Variants in FILIP1L observed in about 807,000 individuals in gnomAD.
The protein encoded by FILIP1L is filamin A-interacting protein 1-like.
FILIP1L carries 55 observed loss-of-function variants against 96.6 expected under a neutral mutation model. The observed-to-expected ratio is 0.57, with a 90% CI of 0.46 to 0.71. FILIP1L has a LOEUF of 0.71. FILIP1L is among the 30% of genes least tolerant of loss of function. The pLI is 0.00. For synonymous variants in FILIP1L, 467 were observed against 473.9 expected (o/e 0.99, Z 0.19); for missense variants, 1,304 against 1,321.2 (o/e 0.99, Z 0.20).
At chr3:99,846,893 A>C (rs1476027546) in intron 5 of FILIP1L, among the ~76,000 whole-genome samples, 1 of 152,244 alleles carries the variant, frequency 6.6e-6, no homozygotes, top group African/African-American at 2.4e-5. Flanking sequence ...AATGGCAATA[A>C]GCTACTTTGT....
At chr3:100,085,963 G>T (rs1348445033) in intron 1 of FILIP1L, among the ~76,000 whole-genome samples, 2 of 152,156 alleles carry the variant, frequency 1.3e-5, no homozygotes, top group Admixed American at 6.5e-5. Flanking sequence ...AATATAGAGG[G>T]TCATGAGTTT....
At chr3:100,071,509 T>A (rs1311134033) in intron 1 of FILIP1L, among the ~76,000 whole-genome samples, 2 of 152,104 alleles carry the variant, frequency 1.3e-5, no homozygotes, top group African/African-American at 4.8e-5. Flanking sequence ...AAAATTTACA[T>A]GGGAGAAGGG....
At chr3:99,889,719 C>G (rs1706024396) in intron 4 of FILIP1L, among the ~76,000 whole-genome samples, 1 of 151,684 alleles carries the variant, frequency 6.6e-6, no homozygotes, top group Non-Finnish European at 1.5e-5. Flanking sequence ...TATTCCTATT[C>G]TATTAGGGAT....
chr3:99,867,507 C>T (rs1944580790), intron 4 of FILIP1L, among the ~76,000 whole-genome samples: 1 of 152,088 alleles, frequency 6.6e-6, no homozygotes. Flanking sequence ...AAGCAGAACC[C>T]CAGGTATTAA....
intron 1 of FILIP1L, among the ~76,000 whole-genome samples, chr3:100,066,926 T>A (rs139135350): frequency 2.7e-4 from 41 of 152,324 alleles, no homozygotes; most frequent in Non-Finnish European, 4.4e-4. Context: ...ACTTGTTTTC[T>A]CACAGGATAT....
In FILIP1L at chr3:99,917,392, T is replaced by A. The variant is rs556989757; in HGVS notation, c.605+6838A>T. 2.6e-5 allele frequency among the ~76,000 whole-genome samples: 4 copies of A among 152,298 alleles called. No individual in the cohort carries two copies. The South Asian group carries it at 8.3e-4, about 32-fold the overall frequency. Reference sequence around the variant, plus strand: ...CCTCCCGTAACACCAGGCACATAGTTTGAGTACCTAGGAATGATTCTAGGG... The same window carrying A: ...CCTCCCGTAACACCAGGCACATAGTATGAGTACCTAGGAATGATTCTAGGG... On this transcript the variant is annotated intron_variant, in intron 4 of 5. Transcript: ENST00000477258.
intron 4 of FILIP1L, among the ~76,000 whole-genome samples, chr3:99,894,172 A>G (rs1020745914): frequency 1.3e-5 from 2 of 152,240 alleles, no homozygotes; most frequent in African/African-American, 4.8e-5. Flanking sequence ...TTGGAGAGGT[A>G]TTAATAGAAA....
intron 1 of FILIP1L, among the ~76,000 whole-genome samples, chr3:99,966,272 G>A (rs558776336): frequency 6.6e-6 from 1 of 152,260 alleles, no homozygotes; most frequent in South Asian, 2.1e-4. Flanking sequence ...AAGTTGAAAT[G>A]GTCAACTCCA....
intron 1 of FILIP1L, among the ~76,000 whole-genome samples, chr3:100,062,680 C>A (rs140280784): frequency 6.6e-6 from 1 of 152,154 alleles, no homozygotes; most frequent in South Asian, 2.1e-4. Context: ...ATCTCAAAAC[C>A]CTAAAAGAAA....
At chr3:99,972,414 T>TG (rs1708849451) in intron 1 of FILIP1L, among the ~76,000 whole-genome samples, 1 of 152,230 alleles carries the variant, frequency 6.6e-6, no homozygotes, top group Admixed American at 6.5e-5. Context: ...GCCTCTGTCT[T>TG]GCAGCAGCAT....
At chr3:99,976,859 G>A (rs1708987502) in intron 1 of FILIP1L, among the ~76,000 whole-genome samples, 1 of 152,020 alleles carries the variant, frequency 6.6e-6, no homozygotes, top group African/African-American at 2.4e-5. Flanking sequence ...CTCCTGTTCA[G>A]TTATTTTCTC....
chr3:99,902,507 G>A (rs908799354), intron 4 of FILIP1L, among the ~76,000 whole-genome samples: 12 of 152,140 alleles, frequency 7.9e-5, no homozygotes, highest in African/African-American at 2.7e-4. Context: ...ATATATAAGG[G>A]TATCTAGCTG....
At chr3:100,040,889 G>GA (rs940419002) in intron 1 of FILIP1L, 1 of 151,960 alleles carries the variant, frequency 6.6e-6, no homozygotes, top group Non-Finnish European at 1.5e-5. Context: ...TTATGCATTT[G>GA]AAAAAATGGT....
intron 1 of FILIP1L, among the ~76,000 whole-genome samples, chr3:99,939,276 T>A (rs542924856): frequency 6.6e-6 from 1 of 152,342 alleles, no homozygotes; most frequent in Non-Finnish European, 1.5e-5. Flanking sequence ...AGTGCTTCCT[T>A]GTTGTGAGCT....
chr3:99,930,839 C>T lies in FILIP1L; in HGVS notation c.182G>A (p.Gly61Asp). 2 of 1,612,502 alleles carry T rather than the reference C, an allele frequency of 1.2e-6. No individual in the cohort carries two copies. The highest frequency in any genetic ancestry group is 1.7e-6 in the Non-Finnish European group (2 of 1,179,592). Reference sequence around the variant, plus strand: ...TCTTGAGAGGTCTTCTGCTTGGTGGCCATTACCACTGTGTGGCTTCTCTGC... The same window carrying T: ...TCTTGAGAGGTCTTCTGCTTGGTGGTCATTACCACTGTGTGGCTTCTCTGC... ...PKAEKPHSGNGHQAEDLSRDD... is the reference protein window; with the variant it reads ...PKAEKPHSGNDHQAEDLSRDD... Residue 61 changes from glycine to aspartate, a missense_variant, in exon 2 of 6, where the codon GGC (glycine) becomes GAC (aspartate). Coordinates refer to ENST00000477258, the MANE Select transcript of FILIP1L (RefSeq NM_001387850.1).
At chr3:99,940,463 C>T (rs1707819162) in intron 1 of FILIP1L, among the ~76,000 whole-genome samples, 1 of 152,204 alleles carries the variant, frequency 6.6e-6, no homozygotes, top group Non-Finnish European at 1.5e-5. Flanking sequence ...TCCGTTTGGA[C>T]CTTGGAGCCA....
At chr3:99,956,703 A>G (rs1708330503) in intron 1 of FILIP1L, among the ~76,000 whole-genome samples, 1 of 151,478 alleles carries the variant, frequency 6.6e-6, no homozygotes, top group Admixed American at 6.6e-5. Context: ...CCCATCAAAT[A>G]CCCCCTTCCC....
At chr3:100,108,346 G>A (rs935210624) in intron 1 of FILIP1L, among the ~76,000 whole-genome samples, 2 of 152,120 alleles carry the variant, frequency 1.3e-5, no homozygotes, top group African/African-American at 2.4e-5. Context: ...GATAATAACA[G>A]CCTCTCATTA....
At chr3:100,097,916 C>G (rs1255172825) in intron 1 of FILIP1L, among the ~76,000 whole-genome samples, 2 of 152,142 alleles carry the variant, frequency 1.3e-5, no homozygotes, top group Non-Finnish European at 2.9e-5. Flanking sequence ...AGTAGAAACT[C>G]TTATCATTTA....
Sources: gnomAD v4.1 joint callset for allele counts (sites outside exome capture counted in the v4.1 genomes callset) on GRCh38, gnomAD v4.1.1 for gene constraint, MANE v1.5 for transcripts, NCBI Gene and HGNC (gene_info 2026-07-23, HGNC 2026-07-21) for gene names.